The following CCDC83 variants were observed in gnomAD, a reference collection of about 807,000 sequenced individuals.
CCDC83 encodes the protein coiled-coil domain containing 83, also known as coiled-coil domain-containing protein 83.
A neutral mutation model predicts 50.1 loss-of-function variants in CCDC83; 54 were observed. The ratio of observed to expected loss-of-function variants is 1.08; its 90% CI spans 0.87 to 1.35. CCDC83 has a LOEUF of 1.35. Among genes scored for constraint, CCDC83 ranks in the 40% most tolerant of loss-of-function variants. The pLI, the probability that CCDC83 is intolerant of heterozygous loss-of-function variation, is 0.00. For synonymous variants in CCDC83, 161 were observed against 153.3 expected, an observed-to-expected ratio of 1.05 and a Z score of -0.37; for missense variants, 518 against 473.9, an observed-to-expected ratio of 1.09 and a Z score of -0.86.
Position 85,893,292 on chromosome 11 carries a change from A to G in CCDC83, c.512-2001A>G, listed in dbSNP as rs538039305. 2.9e-4 allele frequency among the ~76,000 whole-genome samples: 44 copies of G among 152,332 alleles called. No individual in the cohort carries two copies. In the South Asian group the frequency reaches 6.2e-3, roughly 22 times the overall value. ...CTTTCTGCTCTCAGCGTTTTCATCT[A>G]ATGGGAGAAACAGTTATGCTAGTAC... is the stretch of plus-strand genomic sequence containing the variant. On this transcript the variant is annotated intron_variant, in intron 5 of 10. Coordinates refer to ENST00000342404, the MANE Select transcript of CCDC83 (RefSeq NM_001286159.2).
At chr11:85,886,151 A>T (rs1264325559) in intron 4 of CCDC83, 49 bp from the exon 5 acceptor site, 1 of 1,423,598 alleles carries the variant, frequency 7.0e-7, no homozygotes, top group Non-Finnish European at 9.3e-7. Flanking sequence ...TGCAACATAT[A>T]ATGGTTACAA....
intron 8 of CCDC83, among the ~76,000 whole-genome samples, chr11:85,912,313 T>A (rs1199098481): frequency 6.6e-6 from 1 of 152,182 alleles, no homozygotes; most frequent in Admixed American, 6.5e-5. Context: ...AAACTTTCTA[T>A]TGTTTTCCAG....
intron 5 of CCDC83, among the ~76,000 whole-genome samples, chr11:85,888,526 T>C (rs922491169): frequency 3.3e-5 from 5 of 152,248 alleles, no homozygotes; most frequent in African/African-American, 1.2e-4. Context: ...ATTAGCTCTT[T>C]AACTGTGATA....
At chr11:85,886,851 G>T (rs2093329483) in intron 5 of CCDC83, among the ~76,000 whole-genome samples, 1 of 152,204 alleles carries the variant, frequency 6.6e-6, no homozygotes, top group South Asian at 2.1e-4. Flanking sequence ...GGTCAAGGCT[G>T]CAGGGAGCTG....
chr11:85,915,397 T>C lies in CCDC83; in HGVS notation c.795-22T>C, dbSNP rs373515066. ...GCAATATTTATTGACTGACAGATTG[T>C]TTTTCTCATTTGTTCTTTTAGGCGA... On this transcript the variant is annotated intron_variant, in intron 8 of 10. Transcript: ENST00000342404. The C allele has an allele frequency of 7.7e-6, 12 of 1,563,436 alleles. No homozygotes were observed. The African/African-American group carries it at 1.5e-4, about 20-fold the overall frequency.
At chr11:85,908,892 G>A (rs1231320146) in intron 7 of CCDC83, among the ~76,000 whole-genome samples, 2 of 152,108 alleles carry the variant, frequency 1.3e-5, no homozygotes, top group East Asian at 1.9e-4. Context: ...TCCAGTCTGG[G>A]TGACAGAGCA....
chr11:85,857,998 T>C (rs1592128862), intron 1 of CCDC83, among the ~76,000 whole-genome samples: 1 of 152,122 alleles, frequency 6.6e-6, no homozygotes, highest in South Asian at 2.1e-4. Context: ...GACATGGAGA[T>C]TGATGTCAAG....
intron 8 of CCDC83, among the ~76,000 whole-genome samples, chr11:85,912,049 C>T (rs574644706): frequency 7.9e-5 from 12 of 152,190 alleles, no homozygotes; most frequent in African/African-American, 1.9e-4. Context: ...AAATGGCACT[C>T]ATAATTTAGA....
At chr11:85,900,022 G>A (rs754518828) in intron 7 of CCDC83, among the ~76,000 whole-genome samples, 21 of 152,204 alleles carry the variant, frequency 1.4e-4, no homozygotes, top group Non-Finnish European at 2.4e-4. Flanking sequence ...AAAAGTAGAT[G>A]TGAGAGTATG....
intron 10 of CCDC83, among the ~76,000 whole-genome samples, chr11:85,917,166 G>GAGAGAGAGAGAGAAAGAA (rs756949334): frequency 6.4e-5 from 4 of 62,458 alleles, no homozygotes; most frequent in African/African-American, 2.2e-4. Context: ...GAGAGAGAGA[G>GAGAGAGAGAGAGAAAGAA]AGAAAGAAAG....
intron 10 of CCDC83, among the ~76,000 whole-genome samples, chr11:85,917,134 A>AAGAGAG (rs201907138): frequency 0.063 from 4,938 of 77,828 alleles, 265 homozygotes; most frequent in African/African-American, 0.12. Flanking sequence ...AAGAAAAAGA[A>AAGAGAG]AGAGAGAGAG....
chr11:85,884,352 T>C (rs904428691), intron 4 of CCDC83, among the ~76,000 whole-genome samples: 2 of 152,162 alleles, frequency 1.3e-5, no homozygotes, highest in African/African-American at 4.8e-5. Flanking sequence ...CAGCAAGTGC[T>C]TCACCTATCA....
rs560049457 is a variant in CCDC83 at position 85,881,251 on chromosome 11, T to C, written c.181-1262T>C. On this transcript the variant is annotated intron_variant, in intron 3 of 10. Coordinates refer to ENST00000342404, the MANE Select transcript of CCDC83 (RefSeq NM_001286159.2). ...AGCCAGGTATGGTGGTGGGCGTCTA[T>C]AATCCCAGCTACTTGGGAGGCTGAG... Among the ~76,000 whole-genome samples the C allele has an allele frequency of 6.6e-5, 10 of 151,982 alleles. No individual in the cohort carries two copies. In the East Asian group the frequency reaches 1.9e-3, roughly 30 times the overall value.
At chr11:85,888,426 G>T (rs1024970638) in intron 5 of CCDC83, among the ~76,000 whole-genome samples, 12 of 152,084 alleles carry the variant, frequency 7.9e-5, no homozygotes, top group African/African-American at 2.9e-4. Context: ...AACTTCAAGA[G>T]CTATATGAAT....
At chr11:85,905,631 G>A (rs942029045) in intron 7 of CCDC83, among the ~76,000 whole-genome samples, 2 of 146,710 alleles carry the variant, frequency 1.4e-5, no homozygotes, top group Non-Finnish European at 3.0e-5. Context: ...AAAAAAAAAA[G>A]GTATTAACAA....
intron 7 of CCDC83, among the ~76,000 whole-genome samples, chr11:85,904,383 T>G (rs2093415944): frequency 6.6e-6 from 1 of 152,184 alleles, no homozygotes; most frequent in South Asian, 2.1e-4. Context: ...TTCTGTTTCT[T>G]AGTAGCCTGT....
chr11:85,901,636 C>T (rs1031054852), intron 7 of CCDC83, among the ~76,000 whole-genome samples: 1 of 106,916 alleles, frequency 9.4e-6, no homozygotes, highest in East Asian at 2.3e-4. Context: ...GGGAAGACCA[C>T]AATACAAAAA....
At chr11:85,911,528 G>A (rs1356453367) in intron 8 of CCDC83, 126 bp downstream of exon 8, 5 of 739,486 alleles carry the variant, frequency 6.8e-6, no homozygotes, top group Non-Finnish European at 1.0e-5. Flanking sequence ...AAAAGAAAGG[G>A]ACAAAAAAAA....
intron 1 of CCDC83, among the ~76,000 whole-genome samples, chr11:85,857,250 A>G (rs1432415920): frequency 6.6e-6 from 1 of 152,186 alleles, no homozygotes; most frequent in Non-Finnish European, 1.5e-5. Flanking sequence ...AGTTGCCTCC[A>G]TAGGACCCAT....
Sources: gnomAD v4.1 joint callset for allele counts (sites outside exome capture counted in the v4.1 genomes callset) on GRCh38, gnomAD v4.1.1 for gene constraint, MANE v1.5 for transcripts, NCBI Gene and HGNC (gene_info 2026-07-23, HGNC 2026-07-21) for gene names.